Variants in MSH4 observed in about 807,000 individuals in gnomAD.
MSH4 encodes mutS homolog 4.
A neutral mutation model predicts 113.7 loss-of-function variants in MSH4; 106 were observed. The ratio of observed to expected loss-of-function variants is 0.93; its 90% CI spans 0.80 to 1.10. MSH4 has a LOEUF of 1.10. Among genes scored for constraint, MSH4 ranks in the 50% least tolerant of loss-of-function variants. The probability of loss-of-function intolerance (pLI) is 0.00; values close to 1 mark genes in which losing one functional copy is unlikely to be tolerated. For missense variants in MSH4, 1,061 were observed against 1,093.7 expected (o/e 0.97, Z 0.42); for synonymous variants, 368 against 380.2 (o/e 0.97, Z 0.37).
intron 8 of MSH4, among the ~76,000 whole-genome samples, chr1:75,853,283 T>C (rs917375150): frequency 6.6e-6 from 1 of 152,148 alleles, no homozygotes; most frequent in Non-Finnish European, 1.5e-5. Context: ...CAGGATGGCC[T>C]CAAACTCCTG....
At chr1:75,895,240 G>T (rs1652345726) in intron 17 of MSH4, among the ~76,000 whole-genome samples, 1 of 152,062 alleles carries the variant, frequency 6.6e-6, no homozygotes, top group Non-Finnish European at 1.5e-5. Context: ...AGGGAAATTG[G>T]ACTACTACTC....
intron 2 of MSH4, among the ~76,000 whole-genome samples, chr1:75,804,499 C>CTTTTTT (rs5775308): frequency 8.1e-6 from 1 of 123,290 alleles, no homozygotes; most frequent in African/African-American, 3.0e-5. Context: ...TATGACCTTC[C>CTTTTTT]TTTTTTTTTT....
intron 7 of MSH4, among the ~76,000 whole-genome samples, chr1:75,826,132 C>T (rs760937555): frequency 4.6e-5 from 7 of 152,142 alleles, no homozygotes; most frequent in Non-Finnish European, 1.0e-4. Flanking sequence ...ATTACTCCCT[C>T]AATTTCAGAA....
intron 7 of MSH4, among the ~76,000 whole-genome samples, chr1:75,839,762 C>T (rs1318065611): frequency 6.8e-6 from 1 of 147,596 alleles, no homozygotes; most frequent in African/African-American, 2.5e-5. Flanking sequence ...TTTTTGCAAC[C>T]TACTCATCTG....
chr1:75,886,927 C>G (rs1162780699), intron 15 of MSH4, among the ~76,000 whole-genome samples: 3 of 150,044 alleles, frequency 2.0e-5, no homozygotes, highest in African/African-American at 7.4e-5. Flanking sequence ...AATCTAAGTT[C>G]TGCTCTCTGA....
chr1:75,876,953 T>C lies in MSH4; in HGVS notation c.1323T>C (p.Cys441=). The stretch of plus-strand genomic sequence containing the variant: ...TTTAATAGATTGCTATGAAGAACTG[T>C]AACACACCTTTATTAAGAGCTTACT... The part of the protein sequence containing the change: ...VDPLKIAMKN[C]NTPLLRAYYG... Residue 441 remains cysteine, a synonymous_variant, in exon 10 of 20, where the codon TGT becomes TGC. Transcript: ENST00000263187. 1 of 1,561,984 alleles carries C rather than the reference T, an allele frequency of 6.4e-7. No homozygotes were observed. The highest frequency in any genetic ancestry group is 8.7e-7 in the Non-Finnish European group (1 of 1,154,140).
intron 1 of MSH4, among the ~76,000 whole-genome samples, chr1:75,799,241 C>T (rs760603068): frequency 2.6e-5 from 4 of 152,054 alleles, no homozygotes; most frequent in Non-Finnish European, 4.4e-5. Context: ...ACTAGGCAGA[C>T]GGTATCTTTG....
rs141808981 is a variant in MSH4 at position 75,821,868 on chromosome 1, A to G, written c.990-541A>G. Among the ~76,000 whole-genome samples, 440 of 152,224 alleles carry G rather than the reference A, an allele frequency of 2.9e-3. 1 individual carries two copies. Among genetic ancestry groups the G allele is most frequent in the African/African-American group, 0.01 (425 of 41,544 alleles). On this transcript the variant is annotated intron_variant, in intron 6 of 19. Transcript: ENST00000263187. The stretch of plus-strand genomic sequence containing the variant: ...AGTATTCCTCCTGCCTTGGCCTCCC[A>G]GAGTGTTGTTGAGATTATAGGTGTG...
chr1:75,797,018 T>A lies in MSH4; in HGVS notation c.33T>A (p.Pro11=). Residue 11 remains proline, a synonymous_variant, in exon 1 of 20, where the codon CCT becomes CCA. Transcript: ENST00000263187. MLRPEISSTS[P]SAPAVSPSSG... The stretch of plus-strand genomic sequence containing the variant: ...GGCCTGAGATCTCATCAACCTCGCC[T>A]TCTGCCCCGGCGGTTTCCCCGTCGT... The A allele has an allele frequency of 6.2e-7, 1 of 1,614,052 alleles. No individual in the cohort carries two copies. Among genetic ancestry groups the A allele is most frequent in the Non-Finnish European group, 8.5e-7 (1 of 1,179,998 alleles).
chr1:75,818,742 T>C (rs1196151028), intron 6 of MSH4, among the ~76,000 whole-genome samples: 3 of 112,098 alleles, frequency 2.7e-5, no homozygotes, highest in African/African-American at 9.5e-5. Context: ...GGTCCTTCTC[T>C]GTATATTCCG....
chr1:75,890,293 G>A (rs1206977998), intron 16 of MSH4, among the ~76,000 whole-genome samples: 1 of 151,964 alleles, frequency 6.6e-6, no homozygotes, highest in African/African-American at 2.4e-5. Flanking sequence ...AGGGTATAGA[G>A]TAATACTTAA....
At chr1:75,878,872 T>C in intron 11 of MSH4, 120 bp from the exon 12 acceptor site, 1 of 828,786 alleles carries the variant, frequency 1.2e-6, no homozygotes, top group Non-Finnish European at 1.8e-6. Context: ...CAACAAGACC[T>C]CCTATTTATG....
At chr1:75,908,279 G>T (rs2100598269) in intron 19 of MSH4, among the ~76,000 whole-genome samples, 1 of 151,152 alleles carries the variant, frequency 6.6e-6, no homozygotes, top group African/African-American at 2.4e-5. Context: ...CTGTGTAGCT[G>T]GGATTACAGG....
intron 7 of MSH4, among the ~76,000 whole-genome samples, chr1:75,841,309 T>A (rs1258386417): frequency 6.6e-6 from 1 of 152,118 alleles, no homozygotes; most frequent in Admixed American, 6.6e-5. Flanking sequence ...GTGATCCTTT[T>A]GCTGCAGCCT....
At chr1:75,909,969 C>A (rs1304852891) in intron 19 of MSH4, among the ~76,000 whole-genome samples, 1 of 152,140 alleles carries the variant, frequency 6.6e-6, no homozygotes, top group East Asian at 1.9e-4. Flanking sequence ...TTAAAAAAAT[C>A]TCCACTAAGT....
intron 1 of MSH4, among the ~76,000 whole-genome samples, chr1:75,800,053 A>G (rs1362952359): frequency 6.6e-6 from 1 of 152,204 alleles, no homozygotes; most frequent in African/African-American, 2.4e-5. Flanking sequence ...AGGTCAAGGA[A>G]GTAGGAGGAG....
rs144767182 is a variant in MSH4 at position 75,816,435 on chromosome 1, T to A, written c.878T>A (p.Val293Asp). The A allele has an allele frequency of 1.2e-5, 20 of 1,609,936 alleles. No individual in the cohort carries two copies. Among genetic ancestry groups the A allele is most frequent in the Non-Finnish European group, 1.7e-5 (20 of 1,177,550 alleles). The change falls in exon 6 of 20, where the codon GTT (valine) becomes GAT (aspartate). Residue 293 changes from valine to aspartate, a missense_variant. Transcript: ENST00000263187. The part of the protein sequence containing the change: ...LKYVEFIQNS[V>D]YAPKSLKICF... ...TATGTTGAATTTATTCAAAATTCAG[T>A]TTATGCACCAAAATCACTGAAGATT...
At chr1:75,818,181 C>T (rs987332874) in intron 6 of MSH4, among the ~76,000 whole-genome samples, 2 of 152,106 alleles carry the variant, frequency 1.3e-5, no homozygotes, top group Non-Finnish European at 2.9e-5. Flanking sequence ...CCTTTTAATC[C>T]AGAAATCAGA....
intron 8 of MSH4, among the ~76,000 whole-genome samples, chr1:75,861,068 G>C (rs920089566): frequency 3.9e-5 from 6 of 152,142 alleles, no homozygotes; most frequent in African/African-American, 1.4e-4. Flanking sequence ...ATTGAAACTT[G>C]TGTATGCTTC....
Sources: allele counts gnomAD v4.1 joint callset (sites outside exome capture counted in the v4.1 genomes callset), GRCh38; gene constraint gnomAD v4.1.1; transcripts MANE v1.5; gene names NCBI Gene and HGNC (gene_info 2026-07-23, HGNC 2026-07-21).